GUCY2F: variants seen among roughly 807,000 people sequenced by gnomAD.
The protein encoded by GUCY2F is guanylate cyclase 2F, retinal.
GUCY2F carries 61 observed loss-of-function variants against 73.1 expected under a neutral mutation model. The observed-to-expected ratio is 0.83, with a 90% CI of 0.68 to 1.03. The LOEUF is 1.03. GUCY2F is among the 50% of genes least tolerant of loss of function. The pLI, the probability that GUCY2F is intolerant of heterozygous loss-of-function variation, is 0.00. For missense variants in GUCY2F, 912 were observed against 854.3 expected (o/e 1.07, Z -0.84); for synonymous variants, 331 against 307.8 (o/e 1.08, Z -0.79).
In GUCY2F at chrX:109,383,725, T is replaced by G. The variant is rs1930373265; in HGVS notation, c.3055+1459A>C. ...TAAACACCTGCTGTGGGTGATTCACTCCATTTTCTTCGTTCTAGCTGATCA... is the reference window on the plus strand; with the variant it reads ...TAAACACCTGCTGTGGGTGATTCACGCCATTTTCTTCGTTCTAGCTGATCA... On this transcript the variant is annotated intron_variant, in intron 16 of 19. Coordinates refer to ENST00000218006, the MANE Select transcript of GUCY2F (RefSeq NM_001522.3). Among the ~76,000 whole-genome samples the G allele has an allele frequency of 1.3e-4, 15 of 112,229 alleles. No homozygotes were observed. In the Admixed American group the frequency reaches 1.4e-3, roughly 11 times the overall value.
At position 109,392,915 on chromosome X, in the gene GUCY2F, C is replaced by T. The variant is rs375290870; in HGVS notation, c.2565G>A (p.Lys855=). The part of the protein sequence containing the change: ...ELEIEKQKTE[K]LLTQMLPPSV... ...ACGGTGGTAGCATCTGTGTTAGAAGCTTTTCCGTTTTCTGTTTTTCAATTT... is the reference window on the plus strand; with the variant it reads ...ACGGTGGTAGCATCTGTGTTAGAAGTTTTTCCGTTTTCTGTTTTTCAATTT... The change falls in exon 13 of 20, where the codon AAG becomes AAA. Residue 855 remains lysine, a synonymous_variant. Transcript: ENST00000218006. The T allele has an allele frequency of 3.4e-6, 4 of 1,192,538 alleles. No individual in the cohort carries two copies. In the South Asian group the frequency reaches 7.1e-5, roughly 21 times the overall value.
intron 1 of GUCY2F, among the ~76,000 whole-genome samples, chrX:109,480,218 C>A (rs1231481060): frequency 9.0e-6 from 1 of 111,507 alleles, no homozygotes; most frequent in Non-Finnish European, 1.9e-5. Flanking sequence ...GCTCTCTCTG[C>A]CCTCTCGTTA....
At chrX:109,373,406 T>C (rs1364498050) in intron 19 of GUCY2F, among the ~76,000 whole-genome samples, 1 of 111,687 alleles carries the variant, frequency 9.0e-6, no homozygotes, top group Non-Finnish European at 1.9e-5. Context: ...CAGAGTTATA[T>C]TAAAGCTCTG....
At chrX:109,399,202 A>G (rs1203114493) in intron 10 of GUCY2F, among the ~76,000 whole-genome samples, 2 of 112,762 alleles carry the variant, frequency 1.8e-5, no homozygotes, top group Non-Finnish European at 3.7e-5. Context: ...AAAAGGTGCA[A>G]CAATTCCTTC....
Position 109,475,860 on chromosome X carries a change from C to T in GUCY2F, c.77G>A (p.Gly26Asp). 8.3e-7 allele frequency: 1 copy of T among 1,210,166 alleles called. No individual in the cohort carries two copies. The highest frequency in any genetic ancestry group is 1.1e-6 in the Non-Finnish European group (1 of 894,639). Residue 26 changes from glycine to aspartate, a missense_variant, in exon 2 of 20, where the codon GGC becomes GAC. By Grantham distance (94) the Gly-to-Asp change is moderately conservative. Transcript: ENST00000218006. ...AAFRKLLGHH[G>D]LASAKFLWCL... ...CCACAGGAACTTGGCAGATGCAAGGCCATGGTGTCCCAGCAGTTTCCTGAA... is the reference window on the plus strand; with the variant it reads ...CCACAGGAACTTGGCAGATGCAAGGTCATGGTGTCCCAGCAGTTTCCTGAA...
intron 8 of GUCY2F, among the ~76,000 whole-genome samples, chrX:109,420,153 A>G: frequency 9.4e-6 from 1 of 106,764 alleles, no homozygotes; most frequent in South Asian, 4.1e-4. Context: ...CTACACAAAA[A>G]GTAATTCAAA....
chrX:109,480,747 A>G (rs962130737), intron 1 of GUCY2F, among the ~76,000 whole-genome samples: 1 of 110,467 alleles, frequency 9.1e-6, no homozygotes, highest in Admixed American at 9.8e-5. Flanking sequence ...GTCTGCCCTT[A>G]CATTTTTTCT....
At chrX:109,470,539 T>C (rs1932553731) in intron 2 of GUCY2F, among the ~76,000 whole-genome samples, 1 of 111,711 alleles carries the variant, frequency 9.0e-6, no homozygotes, top group Admixed American at 9.5e-5. Flanking sequence ...AGGGCTGAAT[T>C]ATATGCCACA....
chrX:109,433,113 G>T (rs968147645), intron 7 of GUCY2F, among the ~76,000 whole-genome samples: 3 of 112,079 alleles, frequency 2.7e-5, no homozygotes. Context: ...CCTCTTAGAT[G>T]TAGTTCCCTT....
intron 6 of GUCY2F, among the ~76,000 whole-genome samples, 184 bp downstream of exon 6, chrX:109,447,885 A>T (rs1208416218): frequency 9.3e-6 from 1 of 107,944 alleles, no homozygotes; most frequent in Non-Finnish European, 1.9e-5. Context: ...TAATTTTTTT[A>T]ATTTTTTTTT....
In GUCY2F at chrX:109,475,240, G is replaced by A. The variant is rs970540009; in HGVS notation, c.697C>T (p.Leu233Phe). Residue 233 changes from leucine (L) to phenylalanine (F), a missense_variant, in exon 2 of 20, where the codon CTC becomes TTC. Coordinates refer to ENST00000218006, the MANE Select transcript of GUCY2F (RefSeq NM_001522.3). Reference sequence around the variant, plus strand: ...CTGTCTGCCTGGTGAATCCTCTGGAGGGCTTTCCGCATGCTTTGGCTGTCT... The same window carrying A: ...CTGTCTGCCTGGTGAATCCTCTGGAAGGCTTTCCGCATGCTTTGGCTGTCT... Reference protein sequence around the residue: ...GQDSQSMRKALQRIHQADRIR... With the variant: ...GQDSQSMRKAFQRIHQADRIR... 2.5e-6 allele frequency: 3 copies of A among 1,209,306 alleles called. No homozygotes were observed. Among genetic ancestry groups the A allele is most frequent in the Middle Eastern group, 4.6e-4 (2 of 4,328 alleles).
intron 8 of GUCY2F, among the ~76,000 whole-genome samples, chrX:109,428,897 A>T (rs1286189887): frequency 8.9e-6 from 1 of 112,225 alleles, no homozygotes. Context: ...AATTATGTCA[A>T]AATTAAAAGC....
chrX:109,465,141 C>T lies in GUCY2F; in HGVS notation c.1032+1G>A, dbSNP rs1569375247. 15 of 1,194,657 alleles carry T rather than the reference C, an allele frequency of 1.3e-5. No homozygotes were observed. Among genetic ancestry groups the T allele is most frequent in the Non-Finnish European group, 1.6e-5 (14 of 881,938 alleles). The stretch of plus-strand genomic sequence containing the variant: ...ATGACAACCTATGAATGTGTACTTA[C>T]TTGATCGAACTCCAGCTTCTCAGGA... On this transcript the variant is annotated splice_donor_variant, in intron 3 of 19. Coordinates refer to ENST00000218006, the MANE Select transcript of GUCY2F (RefSeq NM_001522.3). LOFTEE classifies it high-confidence loss of function.
chrX:109,465,064 G>C (rs1352523325), intron 3 of GUCY2F, 78 bp downstream of exon 3: 3 of 742,360 alleles, frequency 4.0e-6, no homozygotes, highest in Non-Finnish European at 6.0e-6. Context: ...ATGGAATTGA[G>C]ACTGTTGGTC....
Position 109,475,600 on chromosome X carries a change from A to C in GUCY2F, c.337T>G (p.Phe113Val). Residue 113 changes from phenylalanine to valine, a missense_variant, in exon 2 of 20, where the codon TTC becomes GTC. Phe to Val is a conservative substitution (Grantham distance 50). Coordinates refer to ENST00000218006, the MANE Select transcript of GUCY2F (RefSeq NM_001522.3). ...GAGGCCATCTGGTGGTGGGAAATGA[A>C]ACTGGAGAGAGCCCTCGAAGTCTGG... ...DCQTSRALSS[F>V]ISHHQMASGF... 8.3e-7 allele frequency: 1 copy of C among 1,211,193 alleles called. No individual in the cohort carries two copies. Among genetic ancestry groups the C allele is most frequent in the Non-Finnish European group, 1.1e-6 (1 of 894,979 alleles).
chrX:109,400,283 G>C (rs1382930661), intron 10 of GUCY2F, among the ~76,000 whole-genome samples: 1 of 110,858 alleles, frequency 9.0e-6, no homozygotes, highest in Non-Finnish European at 1.9e-5. Flanking sequence ...GGAGAAGGAA[G>C]TGACAGGGCT....
rs1250796403 is a variant in GUCY2F, at chrX:109,444,468, T to C, written c.1570-2986A>G. Among the ~76,000 whole-genome samples, 4 of 111,880 alleles carry C rather than the reference T, an allele frequency of 3.6e-5. No individual in the cohort carries two copies. The East Asian group carries it at 1.1e-3, about 31-fold the overall frequency. On this transcript the variant is annotated intron_variant, in intron 6 of 19. Transcript: ENST00000218006. ...GAGTAAACGGCACATGAAGACAACA[T>C]AATGTATTTGTATACTTTTCCTACA... is the stretch of plus-strand genomic sequence containing the variant.
At chrX:109,442,675 T>C (rs1193392595) in intron 6 of GUCY2F, among the ~76,000 whole-genome samples, 2 of 111,202 alleles carry the variant, frequency 1.8e-5, no homozygotes, top group South Asian at 3.8e-4. Context: ...TATCACAAAG[T>C]TCCAAGACAG....
intron 19 of GUCY2F, among the ~76,000 whole-genome samples, 196 bp from the exon 20 acceptor site, chrX:109,373,195 T>C (rs1284379521): frequency 2.7e-5 from 3 of 112,367 alleles, no homozygotes; most frequent in Non-Finnish European, 1.9e-5. Context: ...GACATTGCCA[T>C]TTACAAGGGT....
Sources: gnomAD v4.1 joint callset for allele counts (sites outside exome capture counted in the v4.1 genomes callset) on GRCh38, gnomAD v4.1.1 for gene constraint, MANE v1.5 for transcripts, NCBI Gene and HGNC (gene_info 2026-07-23, HGNC 2026-07-21) for gene names.